Variants in SEMA4D observed in about 807,000 individuals in gnomAD.
The protein encoded by SEMA4D is semaphorin 4D.
A neutral mutation model predicts 74.8 loss-of-function variants in SEMA4D; 22 were observed. The observed-to-expected ratio is 0.29, with a 90% confidence interval of 0.21 to 0.42. SEMA4D has a LOEUF of 0.42. Among genes scored for constraint, SEMA4D ranks in the 10% least tolerant of loss-of-function variants. SEMA4D has a pLI of 1.00. For synonymous variants in SEMA4D, 445 were observed against 463.7 expected (o/e 0.96, Z 0.52); for missense variants, 937 against 1,118.4 (o/e 0.84, Z 2.31).
chr9:89,395,498 C>T (rs988664540), intron 6 of SEMA4D, among the ~76,000 whole-genome samples: 1 of 152,004 alleles, frequency 6.6e-6, no homozygotes, highest in Admixed American at 6.6e-5. Context: ...ACCTCAACAG[C>T]TAACCTATCT....
At chr9:89,371,904 TGTGTGTGGTGTGTG>T (rs1169873260) in intron 16 of SEMA4D, among the ~76,000 whole-genome samples, 22 of 10,014 alleles carry the variant, frequency 2.2e-3, no homozygotes, top group Admixed American at 5.7e-3. Context: ...GGGTGTGGTA[TGTGTGTGGTGTGTG>T]GGGTGTGGTG....
chr9:89,446,668 C>T (rs13292091), intron 2 of SEMA4D, among the ~76,000 whole-genome samples: 20,384 of 152,248 alleles, frequency 0.13, 1,733 homozygotes, highest in Non-Finnish European at 0.2. Context: ...CACTTCCCCT[C>T]AGCAGGGGTG....
chr9:89,491,107 GAGT>G (rs1212252785), intron 1 of SEMA4D, among the ~76,000 whole-genome samples: 1 of 152,208 alleles, frequency 6.6e-6, no homozygotes, highest in African/African-American at 2.4e-5. Context: ...CAATAAAACT[GAGT>G]AGGACAGCAT....
chr9:89,406,830 G>A (rs919620401), intron 2 of SEMA4D, among the ~76,000 whole-genome samples: 1 of 151,842 alleles, frequency 6.6e-6, no homozygotes, highest in South Asian at 2.1e-4. Flanking sequence ...TCCACATGCC[G>A]CCTTCCACAC....
chr9:89,366,061 C>T (rs2132295086), intron 16 of SEMA4D, among the ~76,000 whole-genome samples: 1 of 152,236 alleles, frequency 6.6e-6, no homozygotes, highest in African/African-American at 2.4e-5. Flanking sequence ...CCAGTGAAGC[C>T]CTGTTTCTAT....
chr9:89,363,987 T>C (rs1317825553), intron 16 of SEMA4D: 2 of 1,613,888 alleles, frequency 1.2e-6, no homozygotes, highest in Non-Finnish European at 1.7e-6. Context: ...TGAGTCCACA[T>C]TTAGGACCCA....
intron 2 of SEMA4D, among the ~76,000 whole-genome samples, chr9:89,413,892 CTG>C (rs1247893242): frequency 3.3e-5 from 5 of 152,176 alleles, no homozygotes; most frequent in Admixed American, 2.0e-4. Context: ...ATGTGCGCAT[CTG>C]TGTGTGCATG....
At chr9:89,467,796 C>T (rs1859146635) in intron 1 of SEMA4D, among the ~76,000 whole-genome samples, 1 of 152,176 alleles carries the variant, frequency 6.6e-6, no homozygotes, top group Non-Finnish European at 1.5e-5. Flanking sequence ...TCCCAAAGTG[C>T]TGGGATTACA....
chr9:89,458,270 G>A (rs1351686841), intron 1 of SEMA4D, among the ~76,000 whole-genome samples: 1 of 152,122 alleles, frequency 6.6e-6, no homozygotes. Flanking sequence ...CTGGGGATCC[G>A]AAGGCAACTT....
At chr9:89,497,547 C>G (rs561597000) in intron 1 of SEMA4D, 8 of 152,034 alleles carry the variant, frequency 5.3e-5, no homozygotes, top group Non-Finnish European at 7.3e-5. Context: ...GCACCGCCCC[C>G]TCCCTGGCCC....
intron 16 of SEMA4D, among the ~76,000 whole-genome samples, chr9:89,370,877 G>C (rs79747241): frequency 1.4e-5 from 2 of 143,626 alleles, no homozygotes; most frequent in African/African-American, 5.2e-5. Flanking sequence ...GGCGTGTGGG[G>C]TGTGTGTCTG....
exon 19 of SEMA4D, chr9:89,362,333 G>T: frequency 1.9e-6 from 3 of 1,613,812 alleles, no homozygotes; most frequent in Non-Finnish European, 2.5e-6. Flanking sequence ...TTCTCCGGGG[G>T]TGGCTGTGGT....
intron 13 of SEMA4D, among the ~76,000 whole-genome samples, chr9:89,382,996 G>C (rs1336863972): frequency 6.6e-6 from 1 of 152,204 alleles, no homozygotes. Context: ...GGATGGGGCT[G>C]GGCTGCAGCC....
chr9:89,363,162 C>A (rs1316655893), intron 18 of SEMA4D, among the ~76,000 whole-genome samples: 1 of 152,192 alleles, frequency 6.6e-6, no homozygotes. Flanking sequence ...ACTAGACAGC[C>A]CCACCTGTGA....
rs1587979947 is a variant in SEMA4D at position 89,449,728 on chromosome 9, T to C, written c.-244+6160A>G. On this transcript the variant is annotated intron_variant, in intron 2 of 15. Transcript: ENST00000422704. ...TGTGAGAAAGGTGATGCCGTGATTA[T>C]GCAAGAAACAGGGAAAATCTTCAAG... The C allele has an allele frequency of 9.2e-6, 14 of 1,515,790 alleles. No individual in the cohort carries two copies. The East Asian group carries it at 1.4e-4, about 15-fold the overall frequency. The allele number at this position is 1,515,790 out of a possible 1,614,324, so 93.9% of individuals were successfully genotyped here.
intron 1 of SEMA4D, among the ~76,000 whole-genome samples, chr9:89,470,774 G>A (rs1859978218): frequency 6.6e-6 from 1 of 152,188 alleles, no homozygotes; most frequent in Non-Finnish European, 1.5e-5. Flanking sequence ...ACGGCACAGT[G>A]GTGAGTGAAA....
At chr9:89,388,015 T>C (rs1838918072) in intron 11 of SEMA4D, among the ~76,000 whole-genome samples, 1 of 152,238 alleles carries the variant, frequency 6.6e-6, no homozygotes, top group African/African-American at 2.4e-5. Flanking sequence ...TTTCCTGTTC[T>C]AGCTCCCTGA....
intron 2 of SEMA4D, among the ~76,000 whole-genome samples, chr9:89,445,816 C>T (rs904199028): frequency 3.9e-5 from 6 of 152,120 alleles, no homozygotes; most frequent in Admixed American, 3.9e-4. Flanking sequence ...CCTCCTACCC[C>T]ACCTTCTACT....
downstream of SEMA4D, chr9:89,376,756 G>A (rs1221711488): frequency 6.7e-7 from 1 of 1,494,468 alleles, no homozygotes; most frequent in Non-Finnish European, 9.0e-7. Context: ...GGGATGTGGA[G>A]GATGCCCCCG....
Sources: allele counts gnomAD v4.1 joint callset (sites outside exome capture counted in the v4.1 genomes callset), GRCh38; gene constraint gnomAD v4.1.1; transcripts MANE v1.5; gene names NCBI Gene and HGNC (gene_info 2026-07-23, HGNC 2026-07-21).